The following ZNF407 variants were observed in gnomAD, a reference collection of about 807,000 sequenced individuals.
ZNF407 encodes the protein zinc finger protein 407.
Under a neutral mutation model 131.2 loss-of-function variants are expected in ZNF407, and 17 were observed. The observed-to-expected ratio is 0.13, with a 90% CI of 0.09 to 0.19. The LOEUF (loss-of-function observed/expected upper bound fraction) is 0.19. ZNF407 is among the 10% of genes least tolerant of loss of function. The pLI, the probability that ZNF407 is intolerant of heterozygous loss-of-function variation, is 1.00. For synonymous variants in ZNF407, 1,156 were observed against 1,062.0 expected, an observed-to-expected ratio of 1.09 and a Z score of -1.72; for missense variants, 2,681 against 2,830.6, an observed-to-expected ratio of 0.95 and a Z score of 1.20.
At chr18:75,027,909 C>T (rs1432645619) in intron 8 of ZNF407, among the ~76,000 whole-genome samples, 9 of 152,142 alleles carry the variant, frequency 5.9e-5, no homozygotes, top group Non-Finnish European at 8.8e-5. Context: ...CTGTACTTTC[C>T]ACACCTCCTT....
chr18:74,912,596 A>G (rs1009429476), intron 7 of ZNF407, among the ~76,000 whole-genome samples: 1 of 152,206 alleles, frequency 6.6e-6, no homozygotes, highest in African/African-American at 2.4e-5. Flanking sequence ...CTGGATCCAC[A>G]TTTAACTTAC....
chr18:74,939,204 C>T (rs775767153), intron 8 of ZNF407, among the ~76,000 whole-genome samples: 22 of 152,258 alleles, frequency 1.4e-4, no homozygotes, highest in Admixed American at 1.2e-3. Context: ...TAGACATTTA[C>T]ATTCCACTTT....
intron 8 of ZNF407, among the ~76,000 whole-genome samples, chr18:74,960,514 C>G (rs1479243497): frequency 2.2e-5 from 3 of 138,552 alleles, no homozygotes; most frequent in Non-Finnish European, 3.1e-5. Context: ...TGAGTCAGTG[C>G]TTGGTGGAGG....
chr18:74,795,002 C>T (rs1969893527), intron 4 of ZNF407, among the ~76,000 whole-genome samples: 1 of 152,022 alleles, frequency 6.6e-6, no homozygotes, highest in Non-Finnish European at 1.5e-5. Context: ...TTTTAGTCTT[C>T]AGCTTATTAC....
chr18:75,027,146 G>A (rs1484340483), intron 8 of ZNF407, among the ~76,000 whole-genome samples: 6 of 152,174 alleles, frequency 3.9e-5, no homozygotes, highest in Admixed American at 2.0e-4. Flanking sequence ...AGCTGTTCAC[G>A]GAGATGAGAG....
intron 8 of ZNF407, among the ~76,000 whole-genome samples, chr18:75,061,013 C>A (rs192382600): frequency 6.6e-6 from 1 of 152,286 alleles, no homozygotes; most frequent in African/African-American, 2.4e-5. Context: ...CTGAGATGCA[C>A]CCACTGGAAG....
intron 4 of ZNF407, among the ~76,000 whole-genome samples, chr18:74,822,114 G>A (rs896152957): frequency 2.0e-5 from 3 of 152,054 alleles, no homozygotes; most frequent in Non-Finnish European, 4.4e-5. Flanking sequence ...ACTTTTTGAT[G>A]GGGTTGTTTT....
In ZNF407 at chr18:74,973,413, A is replaced by G. The variant is rs113131747; in HGVS notation, c.5428+52721A>G. On this transcript the variant is annotated intron_variant, in intron 8 of 8. Coordinates refer to ENST00000299687, the MANE Select transcript of ZNF407 (RefSeq NM_017757.3). ...AAGTAGTCGCCTTGAAGTAACCAGT[A>G]ACAGGTTTTCTAGTGTTTATTTGAT... 1.1e-3 allele frequency among the ~76,000 whole-genome samples: 165 copies of G among 152,290 alleles called. 1 individual carries two copies. Among genetic ancestry groups the G allele is most frequent in the African/African-American group, 3.7e-3 (155 of 41,560 alleles).
intron 3 of ZNF407, among the ~76,000 whole-genome samples, chr18:74,712,497 C>T (rs1030292620): frequency 3.3e-5 from 5 of 152,284 alleles, no homozygotes; most frequent in African/African-American, 1.2e-4. Flanking sequence ...GTAGTCATGG[C>T]GAAGCCATCC....
intron 3 of ZNF407, among the ~76,000 whole-genome samples, chr18:74,741,284 G>A (rs539789624): frequency 2.8e-4 from 42 of 152,076 alleles, no homozygotes; most frequent in African/African-American, 9.4e-4. Context: ...TTATGTTCAC[G>A]CTCGTGTGTG....
chr18:74,844,215 G>GCTT (rs1479108926), intron 4 of ZNF407, among the ~76,000 whole-genome samples: 3 of 152,028 alleles, frequency 2.0e-5, no homozygotes, highest in Non-Finnish European at 4.4e-5. Flanking sequence ...CCCATGGCTT[G>GCTT]CTTCTCCTCC....
intron 8 of ZNF407, among the ~76,000 whole-genome samples, chr18:74,930,875 C>G (rs907052326): frequency 3.3e-5 from 5 of 152,144 alleles, no homozygotes; most frequent in Non-Finnish European, 5.9e-5. Context: ...CTTAAGGAGA[C>G]CTGGTTCCTT....
chr18:74,900,800 G>A (rs1387896018), intron 7 of ZNF407, among the ~76,000 whole-genome samples: 2 of 152,140 alleles, frequency 1.3e-5, no homozygotes, highest in East Asian at 1.9e-4. Context: ...CTTATTCCAA[G>A]TAGTTATGAA....
At chr18:74,829,924 G>A (rs766983063) in intron 4 of ZNF407, among the ~76,000 whole-genome samples, 25 of 152,102 alleles carry the variant, frequency 1.6e-4, no homozygotes, top group Non-Finnish European at 3.4e-4. Flanking sequence ...AATTCCCGTT[G>A]TGACTGTATT....
rs759868825 is a variant in ZNF407 at position 74,632,563 on chromosome 18, C to T, written c.1544C>T (p.Ser515Phe). 6.2e-7 allele frequency: 1 copy of T among 1,614,046 alleles called. No homozygotes were observed. ...CGTCCTCCGGACTCCGGGCTGCATT[C>T]CCTGACAGTGAAGCCAGCTTCTGGC... ...SARPPDSGLHSLTVKPASGSQ... is the reference protein window; with the variant it reads ...SARPPDSGLHFLTVKPASGSQ... The change falls in exon 2 of 9, where the codon TCC becomes TTC. Residue 515 changes from serine (S) to phenylalanine (F), a missense_variant. Ser to Phe is a radical substitution (Grantham distance 155). Coordinates refer to ENST00000299687, the MANE Select transcript of ZNF407 (RefSeq NM_017757.3).
At chr18:74,616,882 A>G (rs1261091870) in intron 1 of ZNF407, among the ~76,000 whole-genome samples, 5,455 of 20,944 alleles carry the variant, frequency 0.26, 119 homozygotes, top group African/African-American at 0.3. Flanking sequence ...CCATATCCAC[A>G]CACCACACAC....
intron 3 of ZNF407, among the ~76,000 whole-genome samples, chr18:74,772,911 CAATT>C (rs1405352262): frequency 2.0e-5 from 3 of 152,092 alleles, no homozygotes; most frequent in South Asian, 2.1e-4. Context: ...TATGAAGAAA[CAATT>C]GATGATGTAT....
chr18:74,791,392 T>C lies in ZNF407; in HGVS notation c.4877+9890T>C, dbSNP rs569317140. 2.0e-5 allele frequency among the ~76,000 whole-genome samples: 3 copies of C among 152,302 alleles called. No homozygotes were observed. The South Asian group carries it at 6.2e-4, about 32-fold the overall frequency. On this transcript the variant is annotated intron_variant, in intron 4 of 8. Transcript: ENST00000299687. Reference sequence around the variant, plus strand: ...AGGGAAATAACCCTTTCCATTGAGATTTAATTTAATCCAGTTTTTTATTGT... The same window carrying C: ...AGGGAAATAACCCTTTCCATTGAGACTTAATTTAATCCAGTTTTTTATTGT...
chr18:74,790,304 A>T (rs759746776), intron 4 of ZNF407, among the ~76,000 whole-genome samples: 16 of 152,284 alleles, frequency 1.1e-4, no homozygotes, highest in Non-Finnish European at 1.9e-4. Context: ...ATAAGATAAA[A>T]CCGAATTCTG....
Sources: allele counts gnomAD v4.1 joint callset (sites outside exome capture counted in the v4.1 genomes callset), GRCh38; gene constraint gnomAD v4.1.1; transcripts MANE v1.5; gene names NCBI Gene and HGNC (gene_info 2026-07-23, HGNC 2026-07-21).